The following PPP1R1C variants were observed in gnomAD, a reference collection of about 807,000 sequenced individuals.
PPP1R1C encodes protein phosphatase 1 regulatory inhibitor subunit 1C.
Under a neutral mutation model 17.4 loss-of-function variants are expected in PPP1R1C, and 15 were observed. That is an observed-to-expected ratio of 0.86 (90% CI 0.58 to 1.33). The LOEUF is 1.33. Among genes scored for constraint, PPP1R1C ranks in the 40% most tolerant of loss-of-function variants. PPP1R1C has a pLI of 0.00. For missense variants in PPP1R1C, 143 were observed against 130.0 expected (o/e 1.10, Z -0.48); for synonymous variants, 35 against 43.1 (o/e 0.81, Z 0.73).
At chr2:182,034,548 T>C (rs1686944135) in intron 2 of PPP1R1C, among the ~76,000 whole-genome samples, 1 of 152,234 alleles carries the variant, frequency 6.6e-6, no homozygotes, top group Non-Finnish European at 1.5e-5. Flanking sequence ...TTGATGTTTT[T>C]ATATTAAACT....
chr2:182,117,115 C>A, intron 4 of PPP1R1C, 92 bp from the exon 5 acceptor site: 1 of 886,650 alleles, frequency 1.1e-6, no homozygotes, highest in Non-Finnish European at 1.8e-6. Context: ...CAAATGAAAA[C>A]TTTGCACTCT....
intron 2 of PPP1R1C, among the ~76,000 whole-genome samples, chr2:181,997,020 G>C (rs924343137): frequency 1.3e-5 from 2 of 152,086 alleles, no homozygotes; most frequent in South Asian, 2.1e-4. Context: ...ACGAGGTCAG[G>C]AGATCGAGAC....
chr2:182,094,715 T>TA (rs1688881418), intron 4 of PPP1R1C, among the ~76,000 whole-genome samples: 1 of 152,128 alleles, frequency 6.6e-6, no homozygotes, highest in Non-Finnish European at 1.5e-5. Context: ...CTTTTTTGAA[T>TA]TGCAGATGTG....
At chr2:182,040,999 C>T (rs958292134) in intron 2 of PPP1R1C, among the ~76,000 whole-genome samples, 19 of 152,122 alleles carry the variant, frequency 1.2e-4, no homozygotes, top group Non-Finnish European at 1.0e-4. Context: ...TATTCTGTTC[C>T]ATTGGTCTAG....
chr2:182,117,424 G>T lies in PPP1R1C; in HGVS notation c.*129G>T, dbSNP rs772206510. 33 of 631,704 alleles carry T rather than the reference G, an allele frequency of 5.2e-5. No individual in the cohort carries two copies. The highest frequency in any genetic ancestry group is 3.0e-4 in the African/African-American group (16 of 53,112). The allele number at this position is 631,704 out of a possible 1,614,324, so 39.1% of individuals were successfully genotyped here. A position where few individuals can be genotyped will look rare whatever the true frequency, so the allele number is the denominator to read the frequency against. ...CTCTGCACCCCACACTCATACAGTAGCTATGCACATCCTGGAAGTCTCCTT... is the reference window on the plus strand; with the variant it reads ...CTCTGCACCCCACACTCATACAGTATCTATGCACATCCTGGAAGTCTCCTT... On this transcript the variant is annotated 3_prime_UTR_variant, in exon 5 of 5. Coordinates refer to ENST00000682840, the MANE Select transcript of PPP1R1C (RefSeq NM_001080545.3).
intron 2 of PPP1R1C, among the ~76,000 whole-genome samples, chr2:182,010,237 G>A (rs144597281): frequency 0.019 from 2,870 of 151,616 alleles, 92 homozygotes; most frequent in African/African-American, 0.066. Context: ...AACAATATTT[G>A]TTCTTCCAAT....
At chr2:182,115,348 C>T (rs973815361) in intron 4 of PPP1R1C, among the ~76,000 whole-genome samples, 6 of 152,192 alleles carry the variant, frequency 3.9e-5, no homozygotes, top group Admixed American at 3.9e-4. Context: ...TTATGACTTA[C>T]TCATTCATAC....
At chr2:182,106,157 AGGGAAGTACT>A (rs1283120737) in intron 4 of PPP1R1C, among the ~76,000 whole-genome samples, 1 of 152,086 alleles carries the variant, frequency 6.6e-6, no homozygotes, top group Non-Finnish European at 1.5e-5. Context: ...GGAGTGGGGC[AGGGAAGTACT>A]GGGTAGAGAA....
chr2:182,024,520 T>C (rs965090271), intron 2 of PPP1R1C, among the ~76,000 whole-genome samples: 13 of 152,166 alleles, frequency 8.5e-5, no homozygotes, highest in Middle Eastern at 3.2e-3. Flanking sequence ...AAATATTTAT[T>C]TGAAATTTAC....
upstream of PPP1R1C, among the ~76,000 whole-genome samples, chr2:181,982,389 G>A (rs1685209672): frequency 6.6e-6 from 1 of 152,172 alleles, no homozygotes; most frequent in Admixed American, 6.5e-5. Flanking sequence ...TACGTTTCTT[G>A]ATAGTATTAG....
intron 4 of PPP1R1C, among the ~76,000 whole-genome samples, chr2:182,090,384 C>T (rs922533001): frequency 3.3e-5 from 5 of 151,128 alleles, no homozygotes; most frequent in African/African-American, 7.3e-5. Context: ...CTGTGTAGTT[C>T]GATATGCTTT....
intron 2 of PPP1R1C, among the ~76,000 whole-genome samples, chr2:182,012,500 T>G (rs1157302800): frequency 6.6e-6 from 1 of 152,078 alleles, no homozygotes; most frequent in East Asian, 1.9e-4. Flanking sequence ...ATGTGTGTCT[T>G]TATAGGTGAA....
upstream of PPP1R1C, among the ~76,000 whole-genome samples, chr2:181,984,612 A>G (rs1685253408): frequency 6.6e-6 from 1 of 152,242 alleles, no homozygotes; most frequent in Admixed American, 6.5e-5. Context: ...CCTAGTGAAT[A>G]TAGAAAACTA....
At chr2:182,054,480 A>G (rs1051352485) in intron 2 of PPP1R1C, among the ~76,000 whole-genome samples, 2 of 152,150 alleles carry the variant, frequency 1.3e-5, no homozygotes, top group Admixed American at 1.3e-4. Context: ...CCTGGCAACT[A>G]CTAATCTCTT....
At chr2:181,993,092 A>G (rs1685512858) in intron 2 of PPP1R1C, among the ~76,000 whole-genome samples, 1 of 152,198 alleles carries the variant, frequency 6.6e-6, no homozygotes, top group South Asian at 2.1e-4. Flanking sequence ...TTCCTGAGAC[A>G]CTGGATGATA....
intron 2 of PPP1R1C, among the ~76,000 whole-genome samples, chr2:181,989,785 A>G (rs1010814281): frequency 1.3e-5 from 2 of 152,180 alleles, no homozygotes; most frequent in Non-Finnish European, 2.9e-5. Flanking sequence ...ACAGAGAACT[A>G]CTTTATTTTA....
In PPP1R1C at chr2:181,998,412, C is replaced by T. The variant is rs13002790; in HGVS notation, c.142+10513C>T. Among the ~76,000 whole-genome samples the T allele has an allele frequency of 2.6e-5, 4 of 151,910 alleles. No homozygotes were observed. The East Asian group carries it at 7.7e-4, about 29-fold the overall frequency. On this transcript the variant is annotated intron_variant, in intron 2 of 4. Coordinates refer to ENST00000682840, the MANE Select transcript of PPP1R1C (RefSeq NM_001080545.3). ...AATTTGTATCCTGTGATTTATCTGC[C>T]CTAGCTTGTAATTAGTTAAGATAAG...
At chr2:182,031,556 A>G (rs1284186049) in intron 2 of PPP1R1C, among the ~76,000 whole-genome samples, 4 of 152,242 alleles carry the variant, frequency 2.6e-5, no homozygotes, top group Non-Finnish European at 4.4e-5. Context: ...TTTTAAAAGA[A>G]TTCAACAATA....
chr2:182,076,271 T>C (rs1419462240), intron 4 of PPP1R1C, among the ~76,000 whole-genome samples: 1 of 126,164 alleles, frequency 7.9e-6, no homozygotes, highest in Non-Finnish European at 1.6e-5. Context: ...CCTGGCTCAC[T>C]GCAAGCTCTG....
Sources: gnomAD v4.1 joint callset for allele counts (sites outside exome capture counted in the v4.1 genomes callset) on GRCh38, gnomAD v4.1.1 for gene constraint, MANE v1.5 for transcripts, NCBI Gene and HGNC (gene_info 2026-07-23, HGNC 2026-07-21) for gene names.